CCDC141: variants seen among roughly 807,000 people sequenced by gnomAD.
The protein encoded by CCDC141 is coiled-coil domain-containing protein 141.
Under a neutral mutation model 181.0 loss-of-function variants are expected in CCDC141, and 168 were observed. The observed-to-expected ratio is 0.93, with a 90% confidence interval of 0.82 to 1.05. The LOEUF is 1.05. Among genes scored for constraint, CCDC141 ranks in the 50% least tolerant of loss-of-function variants. The pLI, the probability that CCDC141 is intolerant of heterozygous loss-of-function variation, is 0.00. For synonymous variants in CCDC141, 666 were observed against 642.3 expected (o/e 1.04, Z -0.56); for missense variants, 1,902 against 1,788.5 (o/e 1.06, Z -1.14).
At chr2:178,979,332 C>T (rs942067942) in intron 2 of CCDC141, among the ~76,000 whole-genome samples, 2 of 152,058 alleles carry the variant, frequency 1.3e-5, no homozygotes, top group East Asian at 1.9e-4. Context: ...TTAAAGAGTA[C>T]AGTAGACTAA....
chr2:178,836,724 T>C, intron 23 of CCDC141, 170 bp downstream of exon 23: 2 of 664,872 alleles, frequency 3.0e-6, no homozygotes, highest in East Asian at 2.8e-5. Flanking sequence ...GTATTAACTA[T>C]GCTGCTACTA....
chr2:178,975,140 T>G lies in CCDC141; in HGVS notation c.443A>C (p.Glu148Ala), dbSNP rs762361836. 2.6e-6 allele frequency: 4 copies of G among 1,509,640 alleles called. No individual in the cohort carries two copies. The South Asian group carries it at 5.0e-5, about 19-fold the overall frequency. The allele number at this position is 1,509,640 out of a possible 1,614,324, so 93.5% of individuals were successfully genotyped here. A position where few individuals can be genotyped will look rare whatever the true frequency, so the allele number is the denominator to read the frequency against. Residue 148 changes from glutamate (E) to alanine (A), a missense_variant, in exon 4 of 24, where the codon GAA (glutamate) becomes GCA (alanine). By Grantham distance (107) the Glu-to-Ala change is moderately radical. Transcript: ENST00000443758. ...LEFAIKIDQAEDFLQNTHEFE... is the reference protein window; with the variant it reads ...LEFAIKIDQAADFLQNTHEFE... The stretch of plus-strand genomic sequence containing the variant: ...CTCATGAGTATTCTGGAGGAAATCT[T>G]CAGCTTGGTCTATTTTAATAGCAAA...
intron 2 of CCDC141, among the ~76,000 whole-genome samples, chr2:179,015,708 C>G (rs902799474): frequency 4.5e-5 from 6 of 133,268 alleles, no homozygotes; most frequent in African/African-American, 1.7e-4. Flanking sequence ...ATATATATAT[C>G]TCATACATAT....
In CCDC141 at chr2:178,853,753, T is replaced by A. The variant is rs562370414; in HGVS notation, c.3061-129A>T. ...TTCACATTGGCTTGAACTTTCTAAG[T>A]CATAATAAAGAAAATATTAAAACAT... On this transcript the variant is annotated intron_variant, in intron 19 of 23. Transcript: ENST00000443758. The A allele has an allele frequency of 6.0e-4, 408 of 678,274 alleles. 8 individuals are homozygous for A. In the South Asian group the frequency reaches 9.2e-3, roughly 15 times the overall value. The allele number at this position is 678,274 out of a possible 1,614,324, so 42.0% of individuals were successfully genotyped here. A position where few individuals can be genotyped will look rare whatever the true frequency, so the allele number is the denominator to read the frequency against.
At chr2:179,038,343 G>C (rs1295327062) in intron 2 of CCDC141, among the ~76,000 whole-genome samples, 1 of 152,138 alleles carries the variant, frequency 6.6e-6, no homozygotes, top group East Asian at 1.9e-4. Flanking sequence ...AAGTGGATTA[G>C]AGCTTACCAG....
chr2:178,906,447 A>C (rs1483024126), intron 7 of CCDC141, among the ~76,000 whole-genome samples: 1 of 152,230 alleles, frequency 6.6e-6, no homozygotes, highest in Admixed American at 6.5e-5. Context: ...CTCTAGGAAT[A>C]ATTTTGACCT....
At chr2:178,935,696 A>G (rs574776418) in intron 6 of CCDC141, among the ~76,000 whole-genome samples, 31 of 151,722 alleles carry the variant, frequency 2.0e-4, no homozygotes, top group Admixed American at 1.4e-3. Context: ...AGGAGTCTCC[A>G]TACTGTGATT....
chr2:178,819,828 C>T, the CCDC141 span, among the ~76,000 whole-genome samples: 2 of 151,998 alleles, frequency 1.3e-5, no homozygotes, highest in East Asian at 3.9e-4. Context: ...ACCACATTTT[C>T]CTCATATTTA....
chr2:178,826,033 T>A (rs1434929009), downstream of CCDC141, among the ~76,000 whole-genome samples: 1 of 152,198 alleles, frequency 6.6e-6, no homozygotes, highest in African/African-American at 2.4e-5. Flanking sequence ...AGAGAGGATG[T>A]CCTTAAGTAT....
At position 178,881,743 on chromosome 2, in the gene CCDC141, A is replaced by T. The variant is rs181315789; in HGVS notation, c.1719+3158T>A. ...ATTTTTACAAAAAAAAATACAAAAAAATTAGCTGGGCTTGGTGGCACGTAC... is the reference window on the plus strand; with the variant it reads ...ATTTTTACAAAAAAAAATACAAAAATATTAGCTGGGCTTGGTGGCACGTAC... On this transcript the variant is annotated intron_variant, in intron 11 of 23. Transcript: ENST00000443758. Among the ~76,000 whole-genome samples the T allele has an allele frequency of 2.6e-5, 4 of 152,144 alleles. No homozygotes were observed. In the East Asian group the frequency reaches 5.8e-4, roughly 22 times the overall value.
At chr2:179,002,534 C>A in intron 2 of CCDC141, 2 of 376,370 alleles carry the variant, frequency 5.3e-6, no homozygotes, top group Non-Finnish European at 5.2e-6. Context: ...GTAAGAAAGG[C>A]CTTTAACAAA....
chr2:178,986,490 T>G (rs910462920), intron 2 of CCDC141, among the ~76,000 whole-genome samples: 7 of 152,042 alleles, frequency 4.6e-5, no homozygotes, highest in Non-Finnish European at 8.8e-5. Flanking sequence ...GAGAAGGAAA[T>G]AAAGGGTATT....
At chr2:178,976,473 G>A (rs1239162655) in intron 3 of CCDC141, among the ~76,000 whole-genome samples, 1 of 152,168 alleles carries the variant, frequency 6.6e-6, no homozygotes, top group Non-Finnish European at 1.5e-5. Context: ...AGAGACTGAA[G>A]AGCATGGGAC....
chr2:178,968,538 A>G (rs1225775417), intron 4 of CCDC141, among the ~76,000 whole-genome samples: 1 of 152,206 alleles, frequency 6.6e-6, no homozygotes. Flanking sequence ...TTTGAAACCA[A>G]TGAGAATAAA....
chr2:179,000,788 A>T (rs188691692), intron 2 of CCDC141, among the ~76,000 whole-genome samples: 1 of 152,296 alleles, frequency 6.6e-6, no homozygotes, highest in Non-Finnish European at 1.5e-5. Flanking sequence ...TTAAAAGTGA[A>T]ATTACTGGGT....
At chr2:178,998,642 C>A (rs918673662) in intron 2 of CCDC141, among the ~76,000 whole-genome samples, 3 of 152,130 alleles carry the variant, frequency 2.0e-5, no homozygotes, top group African/African-American at 7.2e-5. Flanking sequence ...AATACTGTTG[C>A]ATGGTCCATT....
intron 2 of CCDC141, among the ~76,000 whole-genome samples, chr2:179,016,193 G>T (rs939345951): frequency 1.4e-5 from 2 of 140,528 alleles, no homozygotes; most frequent in Non-Finnish European, 3.1e-5. Flanking sequence ...TGAGGACTTG[G>T]GGGGAAGAGT....
At chr2:178,921,829 CCT>C (rs1425546813) in intron 6 of CCDC141, among the ~76,000 whole-genome samples, 4 of 152,178 alleles carry the variant, frequency 2.6e-5, no homozygotes, top group African/African-American at 9.7e-5. Flanking sequence ...TTCTCCAGCT[CCT>C]CTGTTAGTTC....
intron 2 of CCDC141, among the ~76,000 whole-genome samples, chr2:179,041,360 G>T (rs561485278): frequency 6.6e-6 from 1 of 151,468 alleles, no homozygotes; most frequent in South Asian, 2.1e-4. Context: ...TCTCATTGTG[G>T]TTTTGATTTA....
Sources: allele counts gnomAD v4.1 joint callset (sites outside exome capture counted in the v4.1 genomes callset), GRCh38; gene constraint gnomAD v4.1.1; transcripts MANE v1.5; gene names NCBI Gene and HGNC (gene_info 2026-07-23, HGNC 2026-07-21).